Variants in FLII observed in about 807,000 individuals in gnomAD.
FLII encodes the protein protein flightless-1 homolog.
FLII carries 101 observed loss-of-function variants against 156.2 expected under a neutral mutation model. That is an observed-to-expected ratio of 0.65 (90% CI 0.55 to 0.76). The LOEUF (loss-of-function observed/expected upper bound fraction) is 0.76. FLII is among the 30% of genes least tolerant of loss of function. FLII has a pLI of 0.00. For missense variants in FLII, 1,675 were observed against 1,682.8 expected (o/e 1.00, Z 0.08); for synonymous variants, 767 against 685.8 (o/e 1.12, Z -1.85).
intron 16 of FLII, 116 bp from the exon 17 acceptor site, chr17:18,248,999 G>A: frequency 7.3e-7 from 1 of 1,373,708 alleles, no homozygotes; most frequent in East Asian, 2.3e-5. Context: ...AAGCCCCAGG[G>A]ACCCCCCGCC....
At position 18,245,667 on chromosome 17, in the gene FLII, A is replaced by G; in HGVS notation, c.3504-7T>C. ...GCCCTTCTCGTTGGAGCACCTGGGA[A>G]TCAAGGGTCAAGGTGAGGCCAGAGG... On this transcript the variant is annotated splice_region_variant and splice_polypyrimidine_tract_variant and intron_variant, in intron 27 of 29. Transcript: ENST00000327031. 6.2e-7 allele frequency: 1 copy of G among 1,613,436 alleles called. No homozygotes were observed. The highest frequency in any genetic ancestry group is 8.5e-7 in the Non-Finnish European group (1 of 1,179,702).
rs374054347 is a variant in FLII at position 18,248,689 on chromosome 17, C to T, written c.2051G>A (p.Arg684Gln). The T allele has an allele frequency of 6.4e-5, 103 of 1,613,784 alleles. No individual in the cohort carries two copies. The Middle Eastern group carries it at 8.3e-4, about 13-fold the overall frequency. ...LFAEKINKNERKGKAEITLLV... is the reference protein window; with the variant it reads ...LFAEKINKNEQKGKAEITLLV... Reference sequence around the variant, plus strand: ...CAGTGTGATCTCAGCCTTCCCTTTCCGCTCATTCTTGTTAATTTTCTCTGC... The same window carrying T: ...CAGTGTGATCTCAGCCTTCCCTTTCTGCTCATTCTTGTTAATTTTCTCTGC... The change falls in exon 18 of 30, where the codon CGG becomes CAG. Residue 684 changes from arginine to glutamine, a missense_variant. Transcript: ENST00000327031.
chr17:18,252,251 C>G (rs1275389161), intron 10 of FLII, 105 bp from the exon 11 acceptor site: 21 of 1,146,078 alleles, frequency 1.8e-5, no homozygotes, highest in Middle Eastern at 2.7e-4. Context: ...GCTGAGAGGT[C>G]AGGGAACTGG....
chr17:18,247,907 G>T (rs1409685356), intron 19 of FLII, 22 bp downstream of exon 19: 4 of 1,611,470 alleles, frequency 2.5e-6, no homozygotes, highest in Non-Finnish European at 3.4e-6. Context: ...CTGGCCCCAC[G>T]CCCTCCTCCT....
Position 18,253,347 on chromosome 17 carries a change from T to A in FLII, c.967A>T (p.Met323Leu). 1 of 1,613,916 alleles carries A rather than the reference T, an allele frequency of 6.2e-7. No homozygotes were observed. The highest frequency in any genetic ancestry group is 8.5e-7 in the Non-Finnish European group (1 of 1,180,010). Residue 323 changes from methionine to leucine, a missense_variant, in exon 9 of 30, where the codon ATG (methionine) becomes TTG (leucine). Met to Leu is a conservative substitution (Grantham distance 15, BLOSUM62 2). Around this residue, in one of 2 missense-constraint regions of FLII, gnomAD observed 1,332 missense variants for 1,269.3 expected, o/e 1.05. Coordinates refer to ENST00000327031, the MANE Select transcript of FLII (RefSeq NM_002018.4). ...IGKLTNLEEF[M>L]AANNNLELVP... ...AGCTCCAGGTTGTTGTTGGCAGCCA[T>A]GAACTCTTCCAGGTTGGTGAGCTTG...
At chr17:18,251,165 C>T (rs1597911624) in intron 13 of FLII, 100 bp downstream of exon 13, 3 of 1,448,676 alleles carry the variant, frequency 2.1e-6, no homozygotes, top group East Asian at 2.4e-5. Context: ...TGCCCACCTC[C>T]CACCTGGCCT....
intron 1 of FLII, 102 bp from the exon 2 acceptor site, chr17:18,257,121 C>T: frequency 1.5e-6 from 1 of 670,326 alleles, no homozygotes; most frequent in South Asian, 1.9e-5. Flanking sequence ...AACCAACTCT[C>T]ACCATCTGTG....
In FLII at chr17:18,249,781, ACT is replaced by A. The variant is rs1194388030; in HGVS notation, c.1777-375_1777-374del. On this transcript the variant is annotated intron_variant, in intron 14 of 29. Transcript: ENST00000327031. ...CTCCAGCCTGGGCAACAACAGCAAAACTCTGTCTTAAAACAAACAAACAAACA... is the reference window on the plus strand; with the variant it reads ...CTCCAGCCTGGGCAACAACAGCAAAACTGTCTTAAAACAAACAAACAAACA... Among the ~76,000 whole-genome samples the A allele has an allele frequency of 1.6e-4, 22 of 136,636 alleles. No individual in the cohort carries two copies. The East Asian group carries it at 3.6e-3, about 22-fold the overall frequency. 89.6% of individuals were successfully genotyped at this position (136,636 alleles called of 152,430 possible).
Position 18,245,669 on chromosome 17 carries a change from CAA to C in FLII, c.3504-11_3504-10del. The C allele has an allele frequency of 1.9e-6, 3 of 1,613,382 alleles. No individual in the cohort carries two copies. The highest frequency in any genetic ancestry group is 2.5e-6 in the Non-Finnish European group (3 of 1,179,656). On this transcript the variant is annotated splice_polypyrimidine_tract_variant and intron_variant, in intron 27 of 29. Coordinates refer to ENST00000327031, the MANE Select transcript of FLII (RefSeq NM_002018.4). ...CCTTCTCGTTGGAGCACCTGGGAAT[CAA>C]GGGTCAAGGTGAGGCCAGAGGTCAT...
In FLII at chr17:18,245,984, A is replaced by G. The variant is rs1567703909; in HGVS notation, c.3346T>C (p.Leu1116=). Residue 1116 remains leucine, a synonymous_variant, in exon 26 of 30, where the codon TTG becomes CTG. Transcript: ENST00000327031. ...GRASDPDEAK[L]AEDILNTMFD... is the part of the protein sequence containing the mutation. ...ATGGTGTTCAGGATGTCTTCTGCCA[A>G]CTTGGCTTCGTCAGGGTCTGATGCC... The G allele has an allele frequency of 6.2e-7, 1 of 1,613,990 alleles. No homozygotes were observed. Among genetic ancestry groups the G allele is most frequent in the Non-Finnish European group, 8.5e-7 (1 of 1,179,974 alleles).
In FLII at chr17:18,254,661, C is replaced by G; in HGVS notation, c.435G>C (p.Gln145His). 3 of 1,613,952 alleles carry G rather than the reference C, an allele frequency of 1.9e-6. No homozygotes were observed. The highest frequency in any genetic ancestry group is 2.5e-6 in the Non-Finnish European group (3 of 1,179,918). Residue 145 changes from glutamine (Q) to histidine (H), a missense_variant, in exon 6 of 30, where the codon CAG becomes CAC. Gln to His is a conservative substitution (Grantham distance 24). Around this residue, in one of 2 missense-constraint regions of FLII, gnomAD observed 343 missense variants for 413.5 expected, o/e 0.83. Coordinates refer to ENST00000327031, the MANE Select transcript of FLII (RefSeq NM_002018.4). ...GTAGGTCAGTGAGGTTGATGAAGAG[C>G]TGGTTGGGGATGGTGTCGATGCTAC... ...SHNSIDTIPN[Q>H]LFINLTDLLY...
At chr17:18,254,470 C>A in intron 6 of FLII, 51 bp downstream of exon 6, 1 of 1,540,308 alleles carries the variant, frequency 6.5e-7, no homozygotes, top group Non-Finnish European at 8.7e-7. Flanking sequence ...GGGGCCCGGC[C>A]AGACTCCTCA....
chr17:18,258,421 C>A lies in FLII; in HGVS notation c.63+207G>T. The A allele has an allele frequency of 7.0e-7, 1 of 1,438,696 alleles. No homozygotes were observed. Among genetic ancestry groups the A allele is most frequent in the Non-Finnish European group, 9.3e-7 (1 of 1,076,776 alleles). The allele number at this position is 1,438,696 out of a possible 1,614,324, so 89.1% of individuals were successfully genotyped here. The stretch of plus-strand genomic sequence containing the variant: ...TCCGAGCCCAAGCGTCCGTCCCCGG[C>A]CTGCCCAGCCTCGGTCTCCCCGTAC... On this transcript the variant is annotated intron_variant, in intron 1 of 29. Transcript: ENST00000327031. The surrounding 1 kb of genome is among the most constrained non-coding windows in gnomAD (Gnocchi z 4.2).
Position 18,246,337 on chromosome 17 carries a change from G to T in FLII, c.3177C>A (p.Ile1059=). The T allele has an allele frequency of 6.2e-7, 1 of 1,613,866 alleles. No individual in the cohort carries two copies. The highest frequency in any genetic ancestry group is 8.5e-7 in the Non-Finnish European group (1 of 1,180,012). ...QGAQQPSLYQ[I]RTNGSALCTR... ...TGCAGAGGGCGCTGCCGTTGGTGCG[G>T]ATCTGGTAGAGGCTGGGCTGTTGGG... Residue 1059 remains isoleucine, a synonymous_variant, in exon 24 of 30, where the codon ATC becomes ATA. Transcript: ENST00000327031.
Position 18,258,401 on chromosome 17 carries a change from G to A in FLII, c.63+227C>T, listed in dbSNP as rs1453326495. 5 of 1,326,850 alleles carry A rather than the reference G, an allele frequency of 3.8e-6. No homozygotes were observed. The East Asian group carries it at 8.7e-5, about 23-fold the overall frequency. The allele number at this position is 1,326,850 out of a possible 1,614,324, so 82.2% of individuals were successfully genotyped here. On this transcript the variant is annotated intron_variant, in intron 1 of 29. Coordinates refer to ENST00000327031, the MANE Select transcript of FLII (RefSeq NM_002018.4). The surrounding 1 kb of genome is among the most constrained non-coding windows in gnomAD (Gnocchi z 4.2). ...GGCCGGGCCCCCGGCGGGACTCCGA[G>A]CCCAAGCGTCCGTCCCCGGCCTGCC...
chr17:18,247,078 C>CG, intron 21 of FLII, 26 bp from the exon 22 acceptor site: 1 of 1,606,480 alleles, frequency 6.2e-7, no homozygotes. Flanking sequence ...ACCCGCCCCG[C>CG]GGCAGGTCTG....
Position 18,245,596 on chromosome 17 carries a change from G to A in FLII, c.3568C>T (p.Leu1190=), listed in dbSNP as rs1350951529. 1.2e-6 allele frequency: 2 copies of A among 1,613,940 alleles called. No homozygotes were observed. Among genetic ancestry groups the A allele is most frequent in the Non-Finnish European group, 8.5e-7 (1 of 1,180,000 alleles). The change falls in exon 28 of 30, where the codon CTG becomes TTG. Residue 1190 remains leucine (L), a synonymous_variant. Transcript: ENST00000327031. ...AGCAACATGATGTCATCATCTGCCAGGTCATCTTGGCAAAAGTCGGAGCAT... is the reference window on the plus strand; with the variant it reads ...AGCAACATGATGTCATCATCTGCCAAGTCATCTTGGCAAAAGTCGGAGCAT... The part of the protein sequence containing the change: ...EKCSDFCQDD[L]ADDDIMLLDN...
rs774529382 is a variant in FLII, at chr17:18,254,639, G to C, written c.457C>G (p.Leu153Val). ...TTCTCGCTGAGGTCCAGGTATAGTAGGTCAGTGAGGTTGATGAAGAGCTGG... is the reference window on the plus strand; with the variant it reads ...TTCTCGCTGAGGTCCAGGTATAGTACGTCAGTGAGGTTGATGAAGAGCTGG... The part of the protein sequence containing the change: ...PNQLFINLTD[L>V]LYLDLSENRL... The change falls in exon 6 of 30, where the codon CTA (leucine) becomes GTA (valine). Residue 153 changes from leucine to valine, a missense_variant. Leu to Val is a conservative substitution (Grantham distance 32, BLOSUM62 1). Transcript: ENST00000327031. The C allele has an allele frequency of 1.9e-6, 3 of 1,614,060 alleles. No homozygotes were observed. Among genetic ancestry groups the C allele is most frequent in the South Asian group, 2.2e-5 (2 of 91,088 alleles).
At chr17:18,258,745 G>C, upstream of FLII, 2 of 1,240,430 alleles carry the variant, frequency 1.6e-6, no homozygotes, top group Non-Finnish European at 2.0e-6. The surrounding 1 kb of genome is among the most constrained non-coding windows in gnomAD (Gnocchi z 4.2). Context: ...GGGCGAGGGC[G>C]CTGGGGGGAG....
Sources: gnomAD v4.1 joint callset for allele counts (sites outside exome capture counted in the v4.1 genomes callset) on GRCh38, gnomAD v4.1.1 for gene constraint, gnomAD v4.1.1 regional missense constraint, Gnocchi (gnomAD v3.1) non-coding constraint, MANE v1.5 for transcripts, NCBI Gene and HGNC (gene_info 2026-07-23, HGNC 2026-07-21) for gene names.